SCARB1: variants seen among roughly 807,000 people sequenced by gnomAD.
SCARB1 encodes scavenger receptor class B member 1, also known as CD36 and LIMPII analogous 1.
Under a neutral mutation model 57.2 loss-of-function variants are expected in SCARB1, and 30 were observed. The observed-to-expected ratio is 0.52, with a 90% confidence interval of 0.39 to 0.71. SCARB1 has a LOEUF of 0.71. SCARB1 is among the 30% of genes least tolerant of loss of function. SCARB1 has a pLI of 0.00. For missense variants in SCARB1, 543 were observed against 671.2 expected, an observed-to-expected ratio of 0.81 and a Z score of 2.11; for synonymous variants, 249 against 268.3, an observed-to-expected ratio of 0.93 and a Z score of 0.70.
intron 9 of SCARB1, 102 bp from the exon 10 acceptor site, chr12:124,787,559 G>T: frequency 1.9e-6 from 2 of 1,030,932 alleles, no homozygotes; most frequent in Non-Finnish European, 2.9e-6. Context: ...GTATAATTTT[G>T]CACACACTAA....
At chr12:124,826,618 A>T (rs1003699870) in intron 1 of SCARB1, among the ~76,000 whole-genome samples, 19 of 151,574 alleles carry the variant, frequency 1.3e-4, no homozygotes, top group Non-Finnish European at 2.6e-4. Flanking sequence ...CTATTTTTTT[A>T]TTTTTTTATT....
At chr12:124,839,608 G>A (rs1016279027) in intron 1 of SCARB1, 17 of 984,120 alleles carry the variant, frequency 1.7e-5, no homozygotes, top group Non-Finnish European at 2.1e-5. Context: ...TTAAATTTTG[G>A]GGGGGCCTCC....
chr12:124,825,983 C>T (rs563654774), intron 1 of SCARB1, among the ~76,000 whole-genome samples: 3 of 151,972 alleles, frequency 2.0e-5, no homozygotes, highest in African/African-American at 4.8e-5. Context: ...ATGCACAACA[C>T]GAGGACTGTG....
chr12:124,849,427 T>TA (rs1415953128), intron 1 of SCARB1, among the ~76,000 whole-genome samples: 1 of 152,116 alleles, frequency 6.6e-6, no homozygotes, highest in Non-Finnish European at 1.5e-5. Context: ...CCCAACTTTT[T>TA]AAAAAATGCC....
chr12:124,782,634 C>T lies in SCARB1; in HGVS notation c.*49G>A, dbSNP rs77483223. On this transcript the variant is annotated intron_variant, in intron 12 of 12. Coordinates refer to ENST00000261693, the MANE Select transcript of SCARB1 (RefSeq NM_005505.5). Reference sequence around the variant, plus strand: ...AATGTTTTAAGCCGCCAGCATTCTACTTGATATGGGAGGGGGCGGGGAGGC... The same window carrying T: ...AATGTTTTAAGCCGCCAGCATTCTATTTGATATGGGAGGGGGCGGGGAGGC... 6.2e-4 allele frequency: 987 copies of T among 1,599,106 alleles called. 5 individuals carry two copies. The African/African-American group carries it at 0.012, about 19-fold the overall frequency.
At chr12:124,818,136 G>T (rs150606367) in intron 1 of SCARB1, among the ~76,000 whole-genome samples, 148 of 152,302 alleles carry the variant, frequency 9.7e-4, no homozygotes, top group African/African-American at 3.0e-3. Flanking sequence ...CCTGCCAGGC[G>T]GGTTCTAAGA....
At chr12:124,848,906 C>G (rs909991096) in intron 1 of SCARB1, among the ~76,000 whole-genome samples, 1 of 152,202 alleles carries the variant, frequency 6.6e-6, no homozygotes, top group Non-Finnish European at 1.5e-5. Flanking sequence ...CAGATGGATC[C>G]CTCTCTATGT....
chr12:124,788,106 TACCCCCA>T (rs1949587016), intron 9 of SCARB1, among the ~76,000 whole-genome samples: 1 of 152,156 alleles, frequency 6.6e-6, no homozygotes, highest in Admixed American at 6.5e-5. Flanking sequence ...TCTTGGAATA[TACCCCCA>T]GGGATAAGGG....
intron 1 of SCARB1, among the ~76,000 whole-genome samples, chr12:124,845,237 G>A (rs1952093565): frequency 6.6e-6 from 1 of 152,142 alleles, no homozygotes; most frequent in African/African-American, 2.4e-5. Flanking sequence ...CATCCACAGA[G>A]GCGCGGAAAA....
chr12:124,790,072 T>C (rs866162691), intron 9 of SCARB1, among the ~76,000 whole-genome samples: 53 of 149,144 alleles, frequency 3.6e-4, no homozygotes, highest in Middle Eastern at 3.7e-3. Flanking sequence ...AGTGCTACAC[T>C]GCTGGCTTTA....
chr12:124,831,036 C>T (rs1175636858), intron 1 of SCARB1, among the ~76,000 whole-genome samples: 5 of 147,408 alleles, frequency 3.4e-5, no homozygotes, highest in South Asian at 4.3e-4. Flanking sequence ...AGTGCAGTGG[C>T]GCGATCTCGG....
chr12:124,844,279 C>A (rs887412981), intron 1 of SCARB1, among the ~76,000 whole-genome samples: 9 of 152,152 alleles, frequency 5.9e-5, no homozygotes, highest in Admixed American at 5.9e-4. Flanking sequence ...ACACGAGTTA[C>A]CGTGCATGGC....
chr12:124,830,961 C>T (rs7488127), intron 1 of SCARB1, among the ~76,000 whole-genome samples: 90,622 of 144,292 alleles, frequency 0.63, 28,242 homozygotes, highest in African/African-American at 0.76. Context: ...TACAGGCATA[C>T]GCCACCATGC....
At chr12:124,834,103 G>A (rs1315637306) in intron 1 of SCARB1, among the ~76,000 whole-genome samples, 1 of 152,228 alleles carries the variant, frequency 6.6e-6, no homozygotes, top group Admixed American at 6.5e-5. Flanking sequence ...GGCTAAGCCA[G>A]CTTCATCCTC....
At chr12:124,823,582 C>T (rs910481172) in intron 1 of SCARB1, among the ~76,000 whole-genome samples, 2 of 152,176 alleles carry the variant, frequency 1.3e-5, no homozygotes, top group East Asian at 1.9e-4. Context: ...GTTCCTCAAA[C>T]GATCAAACGC....
At chr12:124,811,841 G>C (rs181516117) in intron 5 of SCARB1, 29 bp downstream of exon 5, 3 of 1,551,466 alleles carry the variant, frequency 1.9e-6, no homozygotes, top group Admixed American at 1.7e-5. Flanking sequence ...TCTCCCTGGC[G>C]ACAGGGGCCC....
At chr12:124,838,238 G>A (rs1269614372) in intron 1 of SCARB1, among the ~76,000 whole-genome samples, 1 of 152,246 alleles carries the variant, frequency 6.6e-6, no homozygotes, top group East Asian at 1.9e-4. Context: ...GGCCGGATCT[G>A]GCCATTAGGG....
At position 124,863,748 on chromosome 12, in the gene SCARB1, C is replaced by A; in HGVS notation, c.-28G>T. ...CTGCGCGCCTGGGGCCCACCCGCGG[C>A]TCGCAGGGCTCCGCGCCTGGCAGGA... On this transcript the variant is annotated 5_prime_UTR_variant, in exon 1 of 13. Coordinates refer to ENST00000261693, the MANE Select transcript of SCARB1 (RefSeq NM_005505.5). 1 of 1,426,464 alleles carries A rather than the reference C, an allele frequency of 7.0e-7. No homozygotes were observed. Among genetic ancestry groups the A allele is most frequent in the East Asian group, 2.9e-5 (1 of 34,106 alleles). 88.4% of individuals were successfully genotyped at this position (1,426,464 alleles called of 1,614,324 possible).
At chr12:124,827,669 G>A (rs1056342998) in intron 1 of SCARB1, among the ~76,000 whole-genome samples, 1 of 152,050 alleles carries the variant, frequency 6.6e-6, no homozygotes, top group African/African-American at 2.4e-5. Flanking sequence ...AAGAGGCCAC[G>A]CTCCTGCCCC....
Sources: gnomAD v4.1 joint callset for allele counts (sites outside exome capture counted in the v4.1 genomes callset) on GRCh38, gnomAD v4.1.1 for gene constraint, MANE v1.5 for transcripts, NCBI Gene and HGNC (gene_info 2026-07-23, HGNC 2026-07-21) for gene names.